JAK2: variants seen among roughly 807,000 people sequenced by gnomAD.
The protein encoded by JAK2 is Janus kinase 2.
A neutral mutation model predicts 139.3 loss-of-function variants in JAK2; 86 were observed. The observed-to-expected ratio is 0.62, with a 90% CI of 0.52 to 0.74. The LOEUF (loss-of-function observed/expected upper bound fraction) is 0.74. Among genes scored for constraint, JAK2 ranks in the 30% least tolerant of loss-of-function variants. JAK2 has a pLI of 0.00. For missense variants in JAK2, 1,421 were observed against 1,360.3 expected, an observed-to-expected ratio of 1.04 and a Z score of -0.70; for synonymous variants, 490 against 437.7, an observed-to-expected ratio of 1.12 and a Z score of -1.49.
chr9:5,094,198 C>G (rs10974957), intron 22 of JAK2: 8,555 of 152,188 alleles, frequency 0.056, 362 homozygotes, highest in Non-Finnish European at 0.091. Context: ...ACCGTAGGCC[C>G]CTGTGGACTG....
chr9:5,033,076 G>A (rs528121079), intron 4 of JAK2, among the ~76,000 whole-genome samples: 2 of 152,230 alleles, frequency 1.3e-5, no homozygotes, highest in East Asian at 3.9e-4. Context: ...TGAAAACCAA[G>A]GCACGAGAAC....
At chr9:5,102,004 G>T (rs1190664384) in intron 22 of JAK2, among the ~76,000 whole-genome samples, 2 of 152,158 alleles carry the variant, frequency 1.3e-5, no homozygotes, top group Admixed American at 1.3e-4. Flanking sequence ...TCCTCCAAAG[G>T]ATTGCAGCTC....
At chr9:5,107,762 A>G (rs1822087857) in intron 22 of JAK2, among the ~76,000 whole-genome samples, 2 of 152,130 alleles carry the variant, frequency 1.3e-5, no homozygotes, top group Non-Finnish European at 1.5e-5. Context: ...AATATTTATC[A>G]TAATTACCCT....
chr9:5,052,378 T>C (rs763342096), intron 6 of JAK2, among the ~76,000 whole-genome samples: 1 of 152,098 alleles, frequency 6.6e-6, no homozygotes, highest in Non-Finnish European at 1.5e-5. Context: ...TTAGCCAGGA[T>C]ATAAACACAG....
intron 23 of JAK2, among the ~76,000 whole-genome samples, chr9:5,125,165 G>C (rs1019709794): frequency 6.6e-6 from 1 of 150,422 alleles, no homozygotes; most frequent in Non-Finnish European, 1.5e-5. Context: ...TCAATATTGT[G>C]GTATGTTACC....
At position 5,080,736 on chromosome 9, in the gene JAK2, T is replaced by G. The variant is rs12344976; in HGVS notation, c.2434+53T>G. ...TTCCAGCTTTCTATCTTTATTGTAT[T>G]TAATGAATCATTACTAATTTTTAAT... On this transcript the variant is annotated intron_variant, in intron 18 of 24. Transcript: ENST00000381652. The G allele has an allele frequency of 3.1e-4, 407 of 1,324,758 alleles. 2 individuals carry two copies. The African/African-American group carries it at 5.6e-3, about 18-fold the overall frequency. 82.1% of individuals were successfully genotyped at this position (1,324,758 alleles called of 1,614,324 possible).
chr9:4,985,835 T>C (rs192183538), intron 1 of JAK2, 105 bp from the exon 2 acceptor site: 4 of 152,750 alleles, frequency 2.6e-5, no homozygotes, highest in Admixed American at 2.6e-4. Flanking sequence ...CGCTCCCGCC[T>C]CCTTATTCCT....
intron 14 of JAK2, among the ~76,000 whole-genome samples, chr9:5,074,513 A>G (rs753698500): frequency 3.3e-5 from 5 of 152,166 alleles, no homozygotes; most frequent in South Asian, 2.1e-4. Flanking sequence ...TAATGCTAGT[A>G]TTGTAATTAT....
At chr9:5,000,102 G>A (rs982765170) in intron 2 of JAK2, among the ~76,000 whole-genome samples, 1 of 151,652 alleles carries the variant, frequency 6.6e-6, no homozygotes, top group Non-Finnish European at 1.5e-5. Flanking sequence ...ATATTAAATT[G>A]TAAGAGTTAC....
At chr9:5,102,374 A>G (rs187889382) in intron 22 of JAK2, among the ~76,000 whole-genome samples, 16 of 152,360 alleles carry the variant, frequency 1.1e-4, no homozygotes, top group South Asian at 2.1e-4. Context: ...TAAAGCCTAC[A>G]AGAAATACAG....
intron 20 of JAK2, 126 bp from the exon 21 acceptor site, chr9:5,090,320 T>C (rs1359620430): frequency 3.3e-6 from 2 of 598,508 alleles, no homozygotes; most frequent in East Asian, 3.5e-5. Context: ...TCACCTTTAA[T>C]GTATAATAAA....
At chr9:4,986,536 G>A (rs1186856990) in intron 2 of JAK2, among the ~76,000 whole-genome samples, 1 of 152,178 alleles carries the variant, frequency 6.6e-6, no homozygotes, top group African/African-American at 2.4e-5. Context: ...GGGTAGGAGC[G>A]GCTGAGTATG....
intron 3 of JAK2, among the ~76,000 whole-genome samples, chr9:5,024,525 G>A (rs1387143664): frequency 6.6e-6 from 1 of 151,936 alleles, no homozygotes; most frequent in Non-Finnish European, 1.5e-5. Context: ...AAAGCTTAGG[G>A]TCTTTTCTTC....
At chr9:5,112,298 G>GCCCT (rs1822662527) in intron 22 of JAK2, 1 of 266,172 alleles carries the variant, frequency 3.8e-6, no homozygotes, top group African/African-American at 2.3e-5. Flanking sequence ...CATCCATGTT[G>GCCCT]CCCTCTCCAG....
chr9:5,126,201 T>A (rs1411365119), intron 23 of JAK2, 132 bp from the exon 24 acceptor site: 1 of 584,238 alleles, frequency 1.7e-6, no homozygotes, highest in Non-Finnish European at 3.0e-6. Flanking sequence ...AAAAGTAGTT[T>A]GTTTTGAAAA....
rs1272703117 is a variant in JAK2 at position 5,054,070 on chromosome 9, G to C, written c.615-493G>C. On this transcript the variant is annotated intron_variant, in intron 6 of 24. Transcript: ENST00000381652. This position sits in a 1 kb window ranked among gnomAD's most constrained non-coding sequence, Gnocchi z 4.9. The stretch of plus-strand genomic sequence containing the variant: ...CACAAAGGAATTATTAGGAGTTGAA[G>C]CTGGCCTAACAAAATAATATACAGA... Among the ~76,000 whole-genome samples the C allele has an allele frequency of 2.0e-5, 3 of 152,026 alleles. No individual in the cohort carries two copies. The highest frequency in any genetic ancestry group is 2.9e-5 in the Non-Finnish European group (2 of 67,914).
rs78229819 is a variant in JAK2 at position 5,079,787 on chromosome 9, C to G, written c.2132-442C>G. 6.5e-3 allele frequency among the ~76,000 whole-genome samples: 991 copies of G among 151,830 alleles called. 6 individuals are homozygous for G. The highest frequency in any genetic ancestry group is 0.022 in the African/African-American group (911 of 41,394). On this transcript the variant is annotated intron_variant, in intron 16 of 24. Transcript: ENST00000381652. ...TGAGCTGCAATCGTGCCATTGCACT[C>G]TAGCCTGAGTGACACAGTGACACCC...
chr9:5,063,472 T>C (rs955264159), intron 8 of JAK2, among the ~76,000 whole-genome samples: 2 of 152,198 alleles, frequency 1.3e-5, no homozygotes, highest in Non-Finnish European at 1.5e-5. Context: ...ATTCCTTTCT[T>C]ATCCTGGTAA....
chr9:5,044,074 C>A (rs1350650512), intron 4 of JAK2, among the ~76,000 whole-genome samples: 1 of 152,214 alleles, frequency 6.6e-6, no homozygotes, highest in Non-Finnish European at 1.5e-5. Flanking sequence ...ACCAAATTAG[C>A]ATTTTCAGAT....
Sources: gnomAD v4.1 joint callset for allele counts (sites outside exome capture counted in the v4.1 genomes callset) on GRCh38, gnomAD v4.1.1 for gene constraint, Gnocchi (gnomAD v3.1) non-coding constraint, MANE v1.5 for transcripts, NCBI Gene and HGNC (gene_info 2026-07-23, HGNC 2026-07-21) for gene names.